Variants in NECTIN4 observed in about 807,000 individuals in gnomAD.
NECTIN4 encodes nectin-4.
NECTIN4 carries 19 observed loss-of-function variants against 51.7 expected under a neutral mutation model. The ratio of observed to expected loss-of-function variants is 0.37; its 90% CI spans 0.26 to 0.54. The LOEUF is 0.54. Among genes scored for constraint, NECTIN4 ranks in the 20% least tolerant of loss-of-function variants. The pLI is 0.86. For synonymous variants in NECTIN4, 283 were observed against 286.9 expected, an observed-to-expected ratio of 0.99 and a Z score of 0.14; for missense variants, 619 against 662.4, an observed-to-expected ratio of 0.93 and a Z score of 0.72.
intron 1 of NECTIN4, among the ~76,000 whole-genome samples, chr1:161,086,360 C>A (rs1653945435): frequency 6.6e-6 from 1 of 152,218 alleles, no homozygotes. Context: ...TCACCACCTC[C>A]CTTGCTGGCT....
intron 6 of NECTIN4, 25 bp downstream of exon 6, chr1:161,074,192 C>T (rs954545977): frequency 1.2e-6 from 2 of 1,613,958 alleles, no homozygotes; most frequent in Non-Finnish European, 1.7e-6. Context: ...TTAGTTCTAC[C>T]CACCCAGGAG....
rs1480568189 is a variant in NECTIN4 at position 161,071,926 on chromosome 1, G to A, written c.*735C>T. The A allele has an allele frequency of 1.3e-5, 2 of 152,052 alleles. No individual in the cohort carries two copies. Among genetic ancestry groups the A allele is most frequent in the Non-Finnish European group, 2.9e-5 (2 of 67,994 alleles). The allele number at this position is 152,052 out of a possible 1,614,324, so 9.4% of individuals were successfully genotyped here. On this transcript the variant is annotated 3_prime_UTR_variant, in exon 9 of 9. Coordinates refer to ENST00000368012, the MANE Select transcript of NECTIN4 (RefSeq NM_030916.3). ...AAAAGAAAAAAATTAAAAGTGATTC[G>A]GAGCAGTATTCCTGCAAGAAGCTCC...
chr1:161,080,015 A>G (rs1653607658), intron 1 of NECTIN4, 66 bp from the exon 2 acceptor site: 24 of 1,524,284 alleles, frequency 1.6e-5, no homozygotes, highest in Non-Finnish European at 2.0e-5. Flanking sequence ...GCACAGTCAT[A>G]ATGATAATGA....
Position 161,074,446 on chromosome 1 carries a change from G to T in NECTIN4, c.1001-73C>A, listed in dbSNP as rs559669838. 3.7e-6 allele frequency: 6 copies of T among 1,604,076 alleles called. No homozygotes were observed. In the African/African-American group the frequency reaches 4.0e-5, roughly 11 times the overall value. ...CCACCCCAGACCTCACAGCTCCCCC[G>T]CAAAACATCTAAAACCACACCTCAG... On this transcript the variant is annotated intron_variant, in intron 5 of 8. Coordinates refer to ENST00000368012, the MANE Select transcript of NECTIN4 (RefSeq NM_030916.3).
rs551020328 is a variant in NECTIN4 at position 161,075,065 on chromosome 1, C to T, written c.852-306G>A. Among the ~76,000 whole-genome samples the T allele has an allele frequency of 2.0e-5, 3 of 152,308 alleles. No individual in the cohort carries two copies. In the South Asian group the frequency reaches 6.2e-4, roughly 32 times the overall value. ...AGGTACACATGTTATAAAGTCCACA[C>T]AACAGGACACTCCACTCCTAGCTGG... On this transcript the variant is annotated intron_variant, in intron 4 of 8. Coordinates refer to ENST00000368012, the MANE Select transcript of NECTIN4 (RefSeq NM_030916.3).
chr1:161,073,225 C>T lies in NECTIN4; in HGVS notation c.1308G>A (p.Met436Ile). ...SLKDNSSCSV[M>I]SEEPEGRSYS... ...ACACCGGTGGGGCCGGGGGCCTCAC[C>T]ATCACAGAGCAGCTACTGTTGTCCT... Residue 436 changes from methionine to isoleucine, a missense_variant and splice_region_variant, in exon 8 of 9, where the codon ATG becomes ATA. Around this residue, in one of 3 missense-constraint regions of NECTIN4, gnomAD observed 364 missense variants for 415.7 expected, o/e 0.88. Transcript: ENST00000368012. The T allele has an allele frequency of 6.2e-7, 1 of 1,613,858 alleles. No individual in the cohort carries two copies. The highest frequency in any genetic ancestry group is 1.1e-5 in the South Asian group (1 of 91,062).
At chr1:161,076,798 G>A (rs771148942) in intron 3 of NECTIN4, among the ~76,000 whole-genome samples, 47 of 152,350 alleles carry the variant, frequency 3.1e-4, no homozygotes, top group Non-Finnish European at 6.3e-4. Flanking sequence ...AACAGGTGCT[G>A]AATAAATGTT....
At chr1:161,080,856 G>T (rs922257581) in intron 1 of NECTIN4, among the ~76,000 whole-genome samples, 1 of 152,230 alleles carries the variant, frequency 6.6e-6, no homozygotes, top group East Asian at 1.9e-4. Context: ...CATGGGACTT[G>T]AGTTCTGCTC....
At chr1:161,080,058 G>C in intron 1 of NECTIN4, 109 bp from the exon 2 acceptor site, 2 of 1,388,842 alleles carry the variant, frequency 1.4e-6, no homozygotes, top group South Asian at 2.8e-5. Flanking sequence ...TGGAGCATTT[G>C]GGCTTGCAAA....
chr1:161,081,870 C>T (rs1653694361), intron 1 of NECTIN4, among the ~76,000 whole-genome samples: 1 of 137,250 alleles, frequency 7.3e-6, no homozygotes, highest in South Asian at 2.6e-4. Flanking sequence ...TGCTTTCATT[C>T]CCATCACAGC....
chr1:161,083,323 C>A (rs774504300), intron 1 of NECTIN4, among the ~76,000 whole-genome samples: 6 of 152,242 alleles, frequency 3.9e-5, no homozygotes, highest in Non-Finnish European at 8.8e-5. Context: ...GCCCTAGAAT[C>A]CCTGTCCTTG....
In NECTIN4 at chr1:161,077,374, A is replaced by G. The variant is rs1462534222; in HGVS notation, c.730+79T>C. ...CAGGACCCAGGCTGGCCAGCCTGGC[A>G]TGGCTCAGGGACCTGTGGCATCTCA... On this transcript the variant is annotated intron_variant, in intron 3 of 8. Transcript: ENST00000368012. 5 of 1,531,962 alleles carry G rather than the reference A, an allele frequency of 3.3e-6. No homozygotes were observed. The East Asian group carries it at 9.0e-5, about 28-fold the overall frequency. 94.9% of individuals were successfully genotyped at this position (1,531,962 alleles called of 1,614,324 possible).
chr1:161,089,240 C>A lies in NECTIN4; in HGVS notation c.57G>T (p.Leu19=), dbSNP rs1328814586. ...MWGPEAWLLL[L]LLLASFTGRC... ...TACCTGTAAATGATGCCAGCAGTAG[C>A]AGCAGCAGCAGCCAGGCCTCAGGCC... The change falls in exon 1 of 9, where the codon CTG becomes CTT. Residue 19 remains leucine (L), a synonymous_variant. Coordinates refer to ENST00000368012, the MANE Select transcript of NECTIN4 (RefSeq NM_030916.3). This position sits in a 1 kb window ranked among gnomAD's most constrained non-coding sequence, Gnocchi z 4.1. 1.2e-6 allele frequency: 2 copies of A among 1,607,712 alleles called. No homozygotes were observed. The highest frequency in any genetic ancestry group is 1.7e-6 in the Non-Finnish European group (2 of 1,176,654).
Position 161,077,712 on chromosome 1 carries a change from T to G in NECTIN4, c.471A>C (p.Pro157=), listed in dbSNP as rs556317834. The G allele has an allele frequency of 6.2e-7, 1 of 1,611,676 alleles. No homozygotes were observed. Among genetic ancestry groups the G allele is most frequent in the African/African-American group, 1.3e-5 (1 of 75,032 alleles). Residue 157 remains proline, a synonymous_variant, in exon 3 of 9, where the codon CCA becomes CCC. Transcript: ENST00000368012. ...VPPLPSLNPG[P]ALEEGQGLTL... is the part of the protein sequence containing the mutation. Reference sequence around the variant, plus strand: ...TCAGGCCCTGGCCCTCTTCTAGTGCTGGACCAGGATTCAGTGAGGGCAGGG... The same window carrying G: ...TCAGGCCCTGGCCCTCTTCTAGTGCGGGACCAGGATTCAGTGAGGGCAGGG...
At chr1:161,081,184 G>C (rs562840928) in intron 1 of NECTIN4, among the ~76,000 whole-genome samples, 1 of 152,154 alleles carries the variant, frequency 6.6e-6, no homozygotes, top group East Asian at 1.9e-4. Context: ...GTTGGGACAG[G>C]GTGGGGCCAA....
chr1:161,074,401 T>C (rs766993750), intron 5 of NECTIN4, 28 bp from the exon 6 acceptor site: 2 of 1,613,186 alleles, frequency 1.2e-6, no homozygotes, highest in South Asian at 1.1e-5. Flanking sequence ...CTGTCTGAGG[T>C]GGAAGCCTGC....
rs1445710881 is a variant in NECTIN4 at position 161,079,653 on chromosome 1, C to G, written c.376G>C (p.Glu126Gln). 6.2e-7 allele frequency: 1 copy of G among 1,605,996 alleles called. No homozygotes were observed. Among genetic ancestry groups the G allele is most frequent in the Admixed American group, 1.7e-5 (1 of 59,992 alleles). ...NAVQADEGEY[E>Q]CRVSTFPAGS... is the part of the protein sequence containing the mutation. The stretch of plus-strand genomic sequence containing the variant: ...GCGGGGAAGGTGCTGACCCGGCACT[C>G]GTACTCGCCCTCATCCGCCTGCACT... The change falls in exon 2 of 9, where the codon GAG becomes CAG. Residue 126 changes from glutamate to glutamine, a missense_variant. Coordinates refer to ENST00000368012, the MANE Select transcript of NECTIN4 (RefSeq NM_030916.3).
intron 1 of NECTIN4, among the ~76,000 whole-genome samples, chr1:161,085,697 CTT>C (rs397798727): frequency 7.8e-4 from 105 of 133,854 alleles, no homozygotes; most frequent in South Asian, 2.6e-3. Flanking sequence ...TTCGCCTCCT[CTT>C]TTTTTTTTTT....
rs1325174997 is a variant in NECTIN4, at chr1:161,073,237, G to A, written c.1296C>T (p.Ser432=). 6.2e-7 allele frequency: 1 copy of A among 1,614,084 alleles called. No homozygotes were observed. The change falls in exon 8 of 9, where the codon AGC becomes AGT. Residue 432 remains serine, a synonymous_variant. Transcript: ENST00000368012. ...GHPDSLKDNS[S]CSVMSEEPEG... is the part of the protein sequence containing the mutation. ...CCGGGGGCCTCACCATCACAGAGCA[G>A]CTACTGTTGTCCTTGAGACTATCAG...
Sources: allele counts gnomAD v4.1 joint callset (sites outside exome capture counted in the v4.1 genomes callset), GRCh38; gene constraint gnomAD v4.1.1; regional missense constraint gnomAD v4.1.1; non-coding constraint Gnocchi (gnomAD v3.1); transcripts MANE v1.5; gene names NCBI Gene and HGNC (gene_info 2026-07-23, HGNC 2026-07-21).